The following COL22A1 variants were observed in gnomAD, a reference collection of about 807,000 sequenced individuals.
COL22A1 encodes collagen alpha-1(XXII) chain.
COL22A1 carries 221 observed loss-of-function variants against 248.9 expected under a neutral mutation model. The ratio of observed to expected loss-of-function variants is 0.89; its 90% CI spans 0.80 to 0.99. The LOEUF (loss-of-function observed/expected upper bound fraction) is 0.99, where lower values mean the gene tolerates loss of function less well. COL22A1 is among the 50% of genes least tolerant of loss of function. The pLI is 0.00. For missense variants in COL22A1, 2,240 were observed against 2,179.0 expected (o/e 1.03, Z -0.56); for synonymous variants, 891 against 793.4 (o/e 1.12, Z -2.07).
intron 7 of COL22A1, among the ~76,000 whole-genome samples, chr8:138,817,597 G>T (rs1201587512): frequency 6.6e-6 from 1 of 152,132 alleles, no homozygotes; most frequent in East Asian, 1.9e-4. Context: ...TGTCCAGAAG[G>T]AAACTCAGGT....
At chr8:138,784,891 A>C (rs556170595) in intron 12 of COL22A1, among the ~76,000 whole-genome samples, 3 of 152,332 alleles carry the variant, frequency 2.0e-5, no homozygotes, top group African/African-American at 7.2e-5. Context: ...TAGAAGAGCC[A>C]GACTCCAGGC....
At chr8:138,693,625 A>G (rs761095521) in intron 35 of COL22A1, 21 bp downstream of exon 35, 58 of 1,571,814 alleles carry the variant, frequency 3.7e-5, no homozygotes, top group Non-Finnish European at 4.6e-5. Flanking sequence ...CCCACGAGGC[A>G]GGCCGATCAT....
chr8:138,645,123 T>C (rs1329647665), intron 47 of COL22A1, among the ~76,000 whole-genome samples: 1 of 152,172 alleles, frequency 6.6e-6, no homozygotes, highest in East Asian at 1.9e-4. Context: ...ATTTTGCCCA[T>C]CCTCAAACTG....
At chr8:138,598,686 G>GC in intron 61 of COL22A1, 33 bp downstream of exon 61, 1 of 1,588,062 alleles carries the variant, frequency 6.3e-7, no homozygotes, top group Non-Finnish European at 8.6e-7. Context: ...GCCCCGAGGA[G>GC]CCCCGAGTCC....
In COL22A1 at chr8:138,878,297, G is replaced by T. The variant is rs1301964988; in HGVS notation, c.111C>A (p.Tyr37Ter). ...AGGTGTCCAGGAGGAAGACCAGATC[G>T]TAGTGGACACTTTTGCAACCTGCAG... is the stretch of plus-strand genomic sequence containing the variant. ...AQRAGCKSVH[Y>*]DLVFLLDTSS... Residue 37 changes from tyrosine (Y) to a stop codon, truncating the protein, a stop_gained, in exon 3 of 65, where the codon TAC (tyrosine) becomes TAA (stop). Coordinates refer to ENST00000303045, the MANE Select transcript of COL22A1 (RefSeq NM_152888.3). LOFTEE classifies it high-confidence loss of function. 2 of 1,556,416 alleles carry T rather than the reference G, an allele frequency of 1.3e-6. No homozygotes were observed. Among genetic ancestry groups the T allele is most frequent in the Non-Finnish European group, 8.7e-7 (1 of 1,149,956 alleles).
intron 26 of COL22A1, 145 bp from the exon 27 acceptor site, chr8:138,720,937 C>T (rs1396151823): frequency 2.2e-5 from 16 of 719,120 alleles, no homozygotes; most frequent in Non-Finnish European, 3.3e-5. Flanking sequence ...TACCTAACCA[C>T]AGTCATCAAA....
chr8:138,639,824 A>G (rs1821509667), intron 47 of COL22A1, among the ~76,000 whole-genome samples: 1 of 152,216 alleles, frequency 6.6e-6, no homozygotes, highest in Non-Finnish European at 1.5e-5. Context: ...TTCCTGTGAA[A>G]CAGTAGAAGC....
At position 138,720,913 on chromosome 8, in the gene COL22A1, T is replaced by G; in HGVS notation, c.2302-121A>C. 5.0e-6 allele frequency: 4 copies of G among 793,914 alleles called. No individual in the cohort carries two copies. In the East Asian group the frequency reaches 7.4e-5, roughly 15 times the overall value. 49.2% of individuals were successfully genotyped at this position (793,914 alleles called of 1,614,324 possible). On this transcript the variant is annotated intron_variant, in intron 26 of 64. Transcript: ENST00000303045. ...CTGCACTCGGGTGGTTTTGAACTGCTTCAACTCTGCGATTACCTAACCACA... is the reference window on the plus strand; with the variant it reads ...CTGCACTCGGGTGGTTTTGAACTGCGTCAACTCTGCGATTACCTAACCACA...
At chr8:138,791,136 G>A (rs1563767816) in intron 12 of COL22A1, among the ~76,000 whole-genome samples, 1 of 152,186 alleles carries the variant, frequency 6.6e-6, no homozygotes, top group Admixed American at 6.5e-5. Flanking sequence ...GCAATCTATG[G>A]GAGGGACAAA....
intron 1 of COL22A1, among the ~76,000 whole-genome samples, chr8:138,889,004 C>T (rs1482089777): frequency 1.3e-5 from 2 of 152,152 alleles, no homozygotes; most frequent in Admixed American, 1.3e-4. Flanking sequence ...CATCAAGGAA[C>T]TATGAAAGTA....
At chr8:138,858,702 C>T (rs978194541) in intron 3 of COL22A1, among the ~76,000 whole-genome samples, 3 of 152,152 alleles carry the variant, frequency 2.0e-5, no homozygotes, top group African/African-American at 4.8e-5. Context: ...TGCTCGACCC[C>T]GGGTGAGAGG....
At position 138,598,837 on chromosome 8, in the gene COL22A1, G is replaced by A; in HGVS notation, c.4247C>T (p.Pro1416Leu). 1.2e-6 allele frequency: 2 copies of A among 1,614,156 alleles called. No individual in the cohort carries two copies. Among genetic ancestry groups the A allele is most frequent in the Middle Eastern group, 1.6e-4 (1 of 6,062 alleles). Residue 1416 changes from proline to leucine, a missense_variant, in exon 61 of 65, where the codon CCT becomes CTT. Physicochemically the swap from Pro to Leu is moderately conservative, Grantham distance 98. Coordinates refer to ENST00000303045, the MANE Select transcript of COL22A1 (RefSeq NM_152888.3). ...PPGGKGQPGD[P>L]GIPGHKGHTG... ...GTGGCCTTTGTGGCCTGGGATTCCA[G>A]GGTCCCCAGGCTGGCCTTTTCCACC...
At position 138,885,558 on chromosome 8, in the gene COL22A1, C is replaced by T. The variant is rs576841564; in HGVS notation, c.-72-2314G>A. ...ACCTACTATATTCACCAAATGCCAACGTATCACACAGTTTTTTTTGTTTTT... is the reference window on the plus strand; with the variant it reads ...ACCTACTATATTCACCAAATGCCAATGTATCACACAGTTTTTTTTGTTTTT... On this transcript the variant is annotated intron_variant, in intron 1 of 64. Transcript: ENST00000303045. 5.3e-5 allele frequency among the ~76,000 whole-genome samples: 8 copies of T among 151,440 alleles called. No individual in the cohort carries two copies. The South Asian group carries it at 1.0e-3, about 20-fold the overall frequency.
chr8:138,905,584 C>T (rs1204905040), intron 1 of COL22A1, among the ~76,000 whole-genome samples: 2 of 152,186 alleles, frequency 1.3e-5, no homozygotes, highest in African/African-American at 4.8e-5. Context: ...GGGACACACT[C>T]CACACAACCT....
chr8:138,684,592 C>A, intron 38 of COL22A1, 123 bp from the exon 39 acceptor site: 1 of 741,710 alleles, frequency 1.3e-6, no homozygotes, highest in South Asian at 1.5e-5. Flanking sequence ...CTCACTATGA[C>A]CTGACTTGCA....
chr8:138,722,068 G>T lies in COL22A1; in HGVS notation c.2269C>A (p.Pro757Thr). ...GPTGPPGKDG[P>T]NGPPGPPGTK... ...CCTGGCGGACCTGGTGGTCCATTTGGCCCGTCCTTTCCAGGGGGTCCCTGG... is the reference window on the plus strand; with the variant it reads ...CCTGGCGGACCTGGTGGTCCATTTGTCCCGTCCTTTCCAGGGGGTCCCTGG... Residue 757 changes from proline to threonine, a missense_variant, in exon 26 of 65, where the codon CCA becomes ACA. Physicochemically the swap from Pro to Thr is conservative, Grantham distance 38. Coordinates refer to ENST00000303045, the MANE Select transcript of COL22A1 (RefSeq NM_152888.3). 6.3e-7 allele frequency: 1 copy of T among 1,583,764 alleles called. No individual in the cohort carries two copies. Among genetic ancestry groups the T allele is most frequent in the South Asian group, 1.2e-5 (1 of 86,522 alleles).
rs750412531 is a variant in COL22A1 at position 138,655,954 on chromosome 8, T to G, written c.3286-10A>C. On this transcript the variant is annotated splice_polypyrimidine_tract_variant and intron_variant, in intron 44 of 64. Transcript: ENST00000303045. The stretch of plus-strand genomic sequence containing the variant: ...GTAGTGAAGAGAGGCCCTGTCAAAA[T>G]AAAAAGAAACAAACACATACGTACA... The G allele has an allele frequency of 6.2e-7, 1 of 1,609,112 alleles. No homozygotes were observed. Among genetic ancestry groups the G allele is most frequent in the Non-Finnish European group, 8.5e-7 (1 of 1,176,208 alleles).
At position 138,660,486 on chromosome 8, in the gene COL22A1, A is replaced by T. The variant is rs1823721721; in HGVS notation, c.3241-6T>A. ...CCTGGATTTCCTGGTGCACCCTAAGAGAAGAAGGAAATAAAACATTAACTG... is the reference window on the plus strand; with the variant it reads ...CCTGGATTTCCTGGTGCACCCTAAGTGAAGAAGGAAATAAAACATTAACTG... On this transcript the variant is annotated splice_polypyrimidine_tract_variant and splice_region_variant and intron_variant, in intron 43 of 64. Transcript: ENST00000303045. 6.2e-7 allele frequency: 1 copy of T among 1,613,358 alleles called. No individual in the cohort carries two copies.
At chr8:138,849,844 G>C (rs944515121) in intron 3 of COL22A1, among the ~76,000 whole-genome samples, 2 of 151,936 alleles carry the variant, frequency 1.3e-5, no homozygotes, top group Non-Finnish European at 2.9e-5. Flanking sequence ...GTAGGCATCT[G>C]AGCTCTTAAC....
Sources: gnomAD v4.1 joint callset for allele counts (sites outside exome capture counted in the v4.1 genomes callset) on GRCh38, gnomAD v4.1.1 for gene constraint, MANE v1.5 for transcripts, NCBI Gene and HGNC (gene_info 2026-07-23, HGNC 2026-07-21) for gene names.